Variants in PRMT3 observed in about 807,000 individuals in gnomAD.
PRMT3 encodes protein arginine methyltransferase 3.
Under a neutral mutation model 71.9 loss-of-function variants are expected in PRMT3, and 62 were observed. The ratio of observed to expected loss-of-function variants is 0.86; its 90% confidence interval spans 0.70 to 1.07. PRMT3 has a LOEUF of 1.07. Among genes scored for constraint, PRMT3 ranks in the 50% least tolerant of loss-of-function variants. The pLI is 0.00. For synonymous variants in PRMT3, 213 were observed against 220.4 expected (o/e 0.97, Z 0.30); for missense variants, 663 against 643.0 (o/e 1.03, Z -0.34).
chr11:20,445,665 T>C (rs926657539), intron 10 of PRMT3, among the ~76,000 whole-genome samples: 1 of 152,096 alleles, frequency 6.6e-6, no homozygotes, highest in Non-Finnish European at 1.5e-5. Flanking sequence ...CCAAATATCA[T>C]TTCTCAGTTA....
At chr11:20,493,836 G>T in intron 13 of PRMT3, 83 bp from the exon 14 acceptor site, 1 of 904,190 alleles carries the variant, frequency 1.1e-6, no homozygotes. Context: ...TTTATCATTT[G>T]CCATGTCTTA....
At chr11:20,460,163 G>T (rs1351747705) in intron 11 of PRMT3, among the ~76,000 whole-genome samples, 1 of 152,134 alleles carries the variant, frequency 6.6e-6, no homozygotes, top group Non-Finnish European at 1.5e-5. Flanking sequence ...AATTGCTAAG[G>T]CTGTGGAAAT....
At chr11:20,508,049 T>C (rs1851634882) in intron 15 of PRMT3, among the ~76,000 whole-genome samples, 1 of 150,284 alleles carries the variant, frequency 6.7e-6, no homozygotes, top group African/African-American at 2.5e-5. Flanking sequence ...GAGGTTGCAG[T>C]GAGCCAAGCT....
intron 15 of PRMT3, among the ~76,000 whole-genome samples, chr11:20,494,554 ACCTCAAGTGATCCAC>A (rs1428082863): frequency 2.6e-5 from 4 of 152,086 alleles, no homozygotes; most frequent in Non-Finnish European, 5.9e-5. Flanking sequence ...CCAACTCCTG[ACCTCAAGTGATCCAC>A]CTGCCTCGGC....
At chr11:20,438,285 G>A (rs946046932) in intron 10 of PRMT3, among the ~76,000 whole-genome samples, 1 of 152,110 alleles carries the variant, frequency 6.6e-6, no homozygotes, top group Non-Finnish European at 1.5e-5. Flanking sequence ...TGGGGGAGCA[G>A]GGTACACTGT....
chr11:20,423,873 TAAAAAAAAAAAAAA>T (rs58636447), intron 9 of PRMT3, among the ~76,000 whole-genome samples: 9 of 27,116 alleles, frequency 3.3e-4, no homozygotes, highest in Admixed American at 9.2e-4. Context: ...GATTCTCTCT[TAAAAAAAAAAAAAA>T]AAAAAAAAAA....
At chr11:20,504,747 C>CGAGAGAGAGCGAGA (rs1260559397) in intron 15 of PRMT3, among the ~76,000 whole-genome samples, 1 of 111,068 alleles carries the variant, frequency 9.0e-6, no homozygotes, top group African/African-American at 3.5e-5. Flanking sequence ...AGAGAGAGAG[C>CGAGAGAGAGCGAGA]GAGAGCGACT....
chr11:20,402,471 A>G (rs1848971872), intron 7 of PRMT3, among the ~76,000 whole-genome samples: 3 of 151,914 alleles, frequency 2.0e-5, no homozygotes, highest in Admixed American at 2.0e-4. Flanking sequence ...TTTGTTGCCC[A>G]GCCTGGTCTC....
chr11:20,497,069 A>T (rs80323105), intron 15 of PRMT3, among the ~76,000 whole-genome samples: 1 of 152,032 alleles, frequency 6.6e-6, no homozygotes, highest in Admixed American at 6.6e-5. Context: ...CATTGTAGCC[A>T]TTTTGTCATC....
intron 15 of PRMT3, among the ~76,000 whole-genome samples, chr11:20,505,627 ATAACT>A (rs983560366): frequency 6.6e-6 from 1 of 152,238 alleles, no homozygotes; most frequent in African/African-American, 2.4e-5. Context: ...GTGTCAATAA[ATAACT>A]TAAATAGAAG....
chr11:20,412,279 A>G (rs1849210240), intron 9 of PRMT3, among the ~76,000 whole-genome samples: 1 of 152,150 alleles, frequency 6.6e-6, no homozygotes. Flanking sequence ...TTTGCCAATC[A>G]TTACTAGAGT....
intron 13 of PRMT3, among the ~76,000 whole-genome samples, chr11:20,482,169 A>G (rs1372644123): frequency 6.8e-6 from 1 of 146,972 alleles, no homozygotes; most frequent in African/African-American, 2.7e-5. Context: ...GCCATGCTGA[A>G]AAATAATGCT....
intron 8 of PRMT3, among the ~76,000 whole-genome samples, chr11:20,404,230 T>TTG (rs1565196852): frequency 2.1e-4 from 23 of 108,878 alleles, no homozygotes; most frequent in African/African-American, 8.5e-4. Flanking sequence ...TTTTTTTTTT[T>TTG]TTTTTTTTTT....
At chr11:20,486,543 C>T (rs546364410) in intron 13 of PRMT3, among the ~76,000 whole-genome samples, 1 of 152,072 alleles carries the variant, frequency 6.6e-6, no homozygotes, top group Non-Finnish European at 1.5e-5. Context: ...TCTCAGCACC[C>T]TAGTAGTCCC....
rs192177032 is a variant in PRMT3, at chr11:20,392,466, G to A, written c.297+206G>A. Reference sequence around the variant, plus strand: ...ATAACTAACAAATATTGTTTTCACTGCATCTAAGAGATGAATCGGTGTATG... The same window carrying A: ...ATAACTAACAAATATTGTTTTCACTACATCTAAGAGATGAATCGGTGTATG... On this transcript the variant is annotated intron_variant, in intron 4 of 15. Transcript: ENST00000331079. Among the ~76,000 whole-genome samples, 303 of 152,254 alleles carry A rather than the reference G, an allele frequency of 2.0e-3. 2 individuals carry two copies. Among genetic ancestry groups the A allele is most frequent in the African/African-American group, 7.2e-3 (298 of 41,546 alleles).
chr11:20,459,991 A>G (rs187840031), intron 11 of PRMT3, among the ~76,000 whole-genome samples: 5 of 152,332 alleles, frequency 3.3e-5, no homozygotes, highest in Admixed American at 2.6e-4. Flanking sequence ...TCACATGCCT[A>G]TCAGGGAAGA....
chr11:20,491,588 C>T (rs1851207626), intron 13 of PRMT3, among the ~76,000 whole-genome samples: 1 of 152,172 alleles, frequency 6.6e-6, no homozygotes, highest in Admixed American at 6.6e-5. Flanking sequence ...TTGAGGCTGT[C>T]TTACACATAC....
chr11:20,492,829 TG>T (rs1376951982), intron 13 of PRMT3, among the ~76,000 whole-genome samples: 1 of 152,144 alleles, frequency 6.6e-6, no homozygotes, highest in African/African-American at 2.4e-5. Context: ...GAAGCCGAAG[TG>T]GGTGAGTCGC....
At chr11:20,476,646 T>C (rs35467747) in intron 13 of PRMT3, among the ~76,000 whole-genome samples, 2,958 of 152,280 alleles carry the variant, frequency 0.019, 94 homozygotes, top group African/African-American at 0.065. Flanking sequence ...TCACCTACTT[T>C]TTAATTCATT....
Sources: gnomAD v4.1 joint callset for allele counts (sites outside exome capture counted in the v4.1 genomes callset) on GRCh38, gnomAD v4.1.1 for gene constraint, MANE v1.5 for transcripts, NCBI Gene and HGNC (gene_info 2026-07-23, HGNC 2026-07-21) for gene names.